Variants in ELOVL6 observed in about 807,000 individuals in gnomAD.
ELOVL6 encodes ELOVL fatty acid elongase 6, also known as very long chain fatty acid elongase 6.
ELOVL6 carries 8 observed loss-of-function variants against 31.7 expected under a neutral mutation model. The ratio of observed to expected loss-of-function variants is 0.25; its 90% CI spans 0.15 to 0.45. The LOEUF (loss-of-function observed/expected upper bound fraction) is 0.45, where lower values mean the gene tolerates loss of function less well. ELOVL6 is among the 20% of genes least tolerant of loss of function. ELOVL6 has a pLI of 1.00. For missense variants in ELOVL6, 126 were observed against 326.4 expected, an observed-to-expected ratio of 0.39 and a Z score of 4.73; for synonymous variants, 101 against 117.7, an observed-to-expected ratio of 0.86 and a Z score of 0.92.
chr4:110,111,371 A>G (rs1247292442), intron 1 of ELOVL6, among the ~76,000 whole-genome samples: 2 of 80,674 alleles, frequency 2.5e-5, no homozygotes, highest in African/African-American at 1.0e-4. Context: ...TTTTTTTTTC[A>G]GTAGCTGATG....
intron 1 of ELOVL6, among the ~76,000 whole-genome samples, chr4:110,137,926 T>C (rs900249015): frequency 1.1e-4 from 17 of 152,222 alleles, no homozygotes; most frequent in African/African-American, 3.9e-4. Flanking sequence ...GACAAACTTA[T>C]TGCCTTTTAC....
At chr4:110,145,692 C>A (rs556207474) in intron 1 of ELOVL6, among the ~76,000 whole-genome samples, 2 of 54,490 alleles carry the variant, frequency 3.7e-5, no homozygotes, top group African/African-American at 2.1e-4. Flanking sequence ...TAGTCAGAGA[C>A]TGTCTAAAAA....
intron 1 of ELOVL6, among the ~76,000 whole-genome samples, chr4:110,154,908 A>C: frequency 6.6e-6 from 1 of 152,344 alleles, no homozygotes. Context: ...ACTTTCCACA[A>C]AGAGAGATCT....
chr4:110,084,578 ATATATATATATTTTTTT>A (rs1351581018), intron 2 of ELOVL6, among the ~76,000 whole-genome samples: 3 of 50,806 alleles, frequency 5.9e-5, no homozygotes, highest in African/African-American at 3.1e-4. Context: ...ATATATATAT[ATATATATATATTTTTTT>A]TTTTTTTTTT....
chr4:110,082,588 C>G (rs1223483626), intron 2 of ELOVL6, among the ~76,000 whole-genome samples: 1 of 151,474 alleles, frequency 6.6e-6, no homozygotes, highest in African/African-American at 2.4e-5. Flanking sequence ...ACACCAGGGC[C>G]TGTTGTGGGG....
At position 110,159,846 on chromosome 4, in the gene ELOVL6, G is replaced by A. The variant is rs181732939; in HGVS notation, c.89+38401C>T. Among the ~76,000 whole-genome samples the A allele has an allele frequency of 7.7e-4, 117 of 152,194 alleles. No homozygotes were observed. In the East Asian group the frequency reaches 0.017, roughly 22 times the overall value. On this transcript the variant is annotated intron_variant, in intron 1 of 3. Coordinates refer to ENST00000302274, the MANE Select transcript of ELOVL6 (RefSeq NM_024090.3). ...CTCTCACAATCTAAAAGATGAAAGT[G>A]TATCTCATTGCTATTTTATTTTTTC...
At chr4:110,113,037 A>C (rs1757078331) in intron 1 of ELOVL6, among the ~76,000 whole-genome samples, 1 of 151,970 alleles carries the variant, frequency 6.6e-6, no homozygotes, top group Non-Finnish European at 1.5e-5. Flanking sequence ...ATCCTGGCTA[A>C]CACGGTGAAA....
At chr4:110,167,049 C>T (rs1758799036) in intron 1 of ELOVL6, among the ~76,000 whole-genome samples, 1 of 152,180 alleles carries the variant, frequency 6.6e-6, no homozygotes, top group African/African-American at 2.4e-5. Flanking sequence ...TCACCTGTCT[C>T]CTGCATGTCA....
chr4:110,171,789 G>A (rs149726250), intron 1 of ELOVL6, among the ~76,000 whole-genome samples: 73 of 141,878 alleles, frequency 5.1e-4, no homozygotes, highest in Non-Finnish European at 8.8e-4. Context: ...TGCCTCCTGT[G>A]CTCTTTCCTC....
intron 2 of ELOVL6, among the ~76,000 whole-genome samples, chr4:110,077,736 G>A (rs113029801): frequency 1.2e-3 from 186 of 152,288 alleles, no homozygotes; most frequent in African/African-American, 4.3e-3. Context: ...AAAGCTGGAC[G>A]GACAATGACT....
intron 2 of ELOVL6, among the ~76,000 whole-genome samples, chr4:110,104,716 T>G (rs933485758): frequency 6.6e-6 from 1 of 152,208 alleles, no homozygotes; most frequent in African/African-American, 2.4e-5. Context: ...AAAACACAAA[T>G]AGAACAGGTG....
At chr4:110,194,241 A>G (rs1367545774) in intron 1 of ELOVL6, among the ~76,000 whole-genome samples, 2 of 152,208 alleles carry the variant, frequency 1.3e-5, no homozygotes, top group East Asian at 3.8e-4. Context: ...AAATGTCTCT[A>G]TTTTCAATGT....
chr4:110,047,908 AAAAAAG>A lies in ELOVL6; in HGVS notation c.*3424_*3429del, dbSNP rs1560795031. ...TCCACCTCAAAAAAAAAAAAAAAAA[AAAAAAG>A]AAAGACATTCTGTGGGTCTCTTTCT... On this transcript the variant is annotated 3_prime_UTR_variant, in exon 4 of 4. Transcript: ENST00000302274. The A allele has an allele frequency of 1.3e-5, 2 of 151,536 alleles. No homozygotes were observed. The highest frequency in any genetic ancestry group is 4.9e-5 in the African/African-American group (2 of 41,210). The allele number at this position is 151,536 out of a possible 1,614,324, so 9.4% of individuals were successfully genotyped here. A position where few individuals can be genotyped will look rare whatever the true frequency, so the allele number is the denominator to read the frequency against.
At chr4:110,070,324 A>G (rs1474829639) in intron 2 of ELOVL6, among the ~76,000 whole-genome samples, 1 of 152,232 alleles carries the variant, frequency 6.6e-6, no homozygotes, top group Non-Finnish European at 1.5e-5. Flanking sequence ...ATATGAACCA[A>G]AAAGAAACTG....
At chr4:110,069,173 G>T (rs201353652) in intron 2 of ELOVL6, among the ~76,000 whole-genome samples, 1,265 of 102,834 alleles carry the variant, frequency 0.012, 17 homozygotes, top group East Asian at 0.11. Flanking sequence ...ATAATAATAG[G>T]GACACTTGGT....
At chr4:110,066,887 G>C (rs11730785) in intron 2 of ELOVL6, among the ~76,000 whole-genome samples, 9,493 of 151,942 alleles carry the variant, frequency 0.062, 313 homozygotes, top group Middle Eastern at 0.096. Context: ...GCACACATTA[G>C]GTATTTGTCC....
intron 1 of ELOVL6, among the ~76,000 whole-genome samples, chr4:110,171,673 T>C (rs13112864): frequency 2.8e-5 from 4 of 140,680 alleles, no homozygotes; most frequent in Non-Finnish European, 6.1e-5. Flanking sequence ...TCTTGCATAA[T>C]ATCCTCTTTT....
intron 1 of ELOVL6, among the ~76,000 whole-genome samples, chr4:110,112,780 A>T (rs10011599): frequency 0.023 from 3,575 of 152,308 alleles, 120 homozygotes; most frequent in African/African-American, 0.079. Flanking sequence ...AGCCTAAGGC[A>T]GGAGAATCTC....
intron 1 of ELOVL6, among the ~76,000 whole-genome samples, chr4:110,195,435 TAA>T (rs1302409974): frequency 1.3e-5 from 2 of 152,146 alleles, no homozygotes; most frequent in African/African-American, 4.8e-5. Flanking sequence ...AATTAAATTT[TAA>T]AAAGTGTTTA....
Sources: allele counts gnomAD v4.1 joint callset (sites outside exome capture counted in the v4.1 genomes callset), GRCh38; gene constraint gnomAD v4.1.1; transcripts MANE v1.5; gene names NCBI Gene and HGNC (gene_info 2026-07-23, HGNC 2026-07-21).